Variants in CPNE4 observed in about 807,000 individuals in gnomAD.
CPNE4 encodes the protein copine-4.
A neutral mutation model predicts 67.9 loss-of-function variants in CPNE4; 25 were observed. The observed-to-expected ratio is 0.37, with a 90% CI of 0.27 to 0.51. The LOEUF (loss-of-function observed/expected upper bound fraction) is 0.51. CPNE4 is among the 20% of genes least tolerant of loss of function. The probability of loss-of-function intolerance (pLI) is 0.93; values close to 1 mark genes in which losing one functional copy is unlikely to be tolerated. For synonymous variants in CPNE4, 242 were observed against 244.9 expected (o/e 0.99, Z 0.11); for missense variants, 464 against 690.8 (o/e 0.67, Z 3.68).
chr3:132,030,183 T>G (rs1534805), intron 1 of CPNE4, among the ~76,000 whole-genome samples: 147,061 of 152,314 alleles, frequency 0.97, 71,199 homozygotes, highest in African/African-American at 0.99. Context: ...AGAGATTGGC[T>G]CCACTGCTGT....
At chr3:131,954,686 C>T (rs1418624594) in intron 1 of CPNE4, among the ~76,000 whole-genome samples, 19 of 152,146 alleles carry the variant, frequency 1.2e-4, no homozygotes, top group Non-Finnish European at 1.5e-5. Context: ...TGATGTTCCC[C>T]ATCCTGTGTC....
intron 1 of CPNE4, among the ~76,000 whole-genome samples, chr3:132,013,607 TA>T (rs1321210788): frequency 6.6e-6 from 1 of 152,264 alleles, no homozygotes; most frequent in Non-Finnish European, 1.5e-5. Context: ...GATGGCATTT[TA>T]TACTTCTTCA....
At chr3:131,660,192 C>G (rs1347135057) in intron 7 of CPNE4, among the ~76,000 whole-genome samples, 1 of 152,156 alleles carries the variant, frequency 6.6e-6, no homozygotes, top group Non-Finnish European at 1.5e-5. Context: ...CTTGCTTTGG[C>G]AAGGTAGGCT....
intron 1 of CPNE4, among the ~76,000 whole-genome samples, chr3:132,002,389 T>C (rs942192807): frequency 6.6e-6 from 1 of 152,168 alleles, no homozygotes; most frequent in Non-Finnish European, 1.5e-5. Context: ...AGTTGAACTC[T>C]GATTTCAAGA....
intron 8 of CPNE4, among the ~76,000 whole-genome samples, chr3:131,583,027 A>T (rs1246517178): frequency 6.6e-6 from 1 of 152,222 alleles, no homozygotes; most frequent in Non-Finnish European, 1.5e-5. Context: ...GGAAGGTGCC[A>T]GCAGGACTGG....
intron 7 of CPNE4, among the ~76,000 whole-genome samples, chr3:131,639,995 G>T (rs2107792815): frequency 6.6e-6 from 1 of 152,214 alleles, no homozygotes; most frequent in East Asian, 1.9e-4. Context: ...AAGCAGCATA[G>T]AAGGGACACA....
intron 6 of CPNE4, among the ~76,000 whole-genome samples, chr3:131,671,458 CAT>C (rs57687342): frequency 0.32 from 40,356 of 125,504 alleles, 5,571 homozygotes; most frequent in Middle Eastern, 0.41. Context: ...TGAGTGTACA[CAT>C]GTGTGTGTGT....
intron 1 of CPNE4, among the ~76,000 whole-genome samples, chr3:131,981,025 CAG>C (rs1159034781): frequency 1.3e-5 from 2 of 152,074 alleles, no homozygotes; most frequent in African/African-American, 2.4e-5. Context: ...GTTGTCTGCA[CAG>C]AGTTTTGTGA....
At chr3:131,606,060 T>A (rs1055059481) in intron 7 of CPNE4, among the ~76,000 whole-genome samples, 5 of 152,182 alleles carry the variant, frequency 3.3e-5, no homozygotes, top group Non-Finnish European at 7.4e-5. Context: ...TGCTGTGATT[T>A]GATGCCTGGA....
At chr3:131,966,130 A>G (rs2072336644) in intron 1 of CPNE4, among the ~76,000 whole-genome samples, 1 of 152,192 alleles carries the variant, frequency 6.6e-6, no homozygotes, top group Non-Finnish European at 1.5e-5. Flanking sequence ...CTACTGAGTA[A>G]ATAACAAAAT....
intron 2 of CPNE4, among the ~76,000 whole-genome samples, chr3:131,756,238 G>T (rs1326209463): frequency 1.3e-5 from 2 of 152,164 alleles, no homozygotes; most frequent in African/African-American, 4.8e-5. Flanking sequence ...TTAACAGCTA[G>T]ATACTTCACC....
upstream of CPNE4, chr3:132,037,631 A>G: frequency 6.5e-7 from 1 of 1,535,570 alleles, no homozygotes; most frequent in Non-Finnish European, 8.7e-7. Flanking sequence ...TCTAAAGCCA[A>G]GCCACAAAGT....
chr3:131,639,999 G>A (rs188022155), intron 7 of CPNE4, among the ~76,000 whole-genome samples: 13 of 152,084 alleles, frequency 8.5e-5, no homozygotes, highest in Non-Finnish European at 1.6e-4. Flanking sequence ...AGCATAGAAG[G>A]GACACATCTT....
intron 2 of CPNE4, among the ~76,000 whole-genome samples, chr3:131,797,096 A>G (rs1009753955): frequency 6.6e-6 from 1 of 152,106 alleles, no homozygotes; most frequent in Admixed American, 6.6e-5. Context: ...GATATTCTTC[A>G]GCTATGAAAG....
intron 2 of CPNE4, among the ~76,000 whole-genome samples, chr3:131,874,149 C>T (rs1026497081): frequency 6.6e-6 from 1 of 150,762 alleles, no homozygotes; most frequent in Non-Finnish European, 1.5e-5. Flanking sequence ...AGTGCAGTGG[C>T]GCAATCTCGG....
intron 1 of CPNE4, among the ~76,000 whole-genome samples, chr3:131,968,820 CCAGAAATAGCATTT>C (rs1316506506): frequency 6.6e-6 from 1 of 152,094 alleles, no homozygotes; most frequent in African/African-American, 2.4e-5. Context: ...GGATCTAGAA[CCAGAAATAGCATTT>C]CACCCAGCAA....
intron 1 of CPNE4, chr3:131,985,810 C>T (rs1475152267): frequency 2.6e-5 from 4 of 154,036 alleles, no homozygotes; most frequent in Non-Finnish European, 5.9e-5. Context: ...ATTTCTGCTA[C>T]CTAGTCCATG....
chr3:131,545,953 T>C (rs578193742), intron 14 of CPNE4, among the ~76,000 whole-genome samples: 24 of 152,194 alleles, frequency 1.6e-4, no homozygotes, highest in African/African-American at 5.8e-4. Flanking sequence ...TCCCAGCTAC[T>C]CGGGAGGCTA....
At chr3:131,675,836 A>C (rs2080546795) in intron 6 of CPNE4, among the ~76,000 whole-genome samples, 2 of 151,628 alleles carry the variant, frequency 1.3e-5, no homozygotes, top group African/African-American at 4.8e-5. Context: ...TACTCCTGCC[A>C]TTAGGGTTTT....
Sources: gnomAD v4.1 joint callset for allele counts (sites outside exome capture counted in the v4.1 genomes callset) on GRCh38, gnomAD v4.1.1 for gene constraint, MANE v1.5 for transcripts, NCBI Gene and HGNC (gene_info 2026-07-23, HGNC 2026-07-21) for gene names.